KCNK2: variants seen among roughly 807,000 people sequenced by gnomAD.
KCNK2 encodes the protein potassium channel subfamily K member 2.
KCNK2 carries 21 observed loss-of-function variants against 40.5 expected under a neutral mutation model. The observed-to-expected ratio is 0.52, with a 90% CI of 0.37 to 0.75. The LOEUF (loss-of-function observed/expected upper bound fraction) is 0.75. KCNK2 is among the 30% of genes least tolerant of loss of function. KCNK2 has a pLI of 0.00. For missense variants in KCNK2, 399 were observed against 531.6 expected, an observed-to-expected ratio of 0.75 and a Z score of 2.45; for synonymous variants, 191 against 202.2, an observed-to-expected ratio of 0.94 and a Z score of 0.47.
chr1:215,228,927 G>C (rs1350074922), intron 6 of KCNK2, among the ~76,000 whole-genome samples: 1 of 152,054 alleles, frequency 6.6e-6, no homozygotes, highest in African/African-American at 2.4e-5. Flanking sequence ...TGTGTTACTT[G>C]GTGAATAATG....
intron 3 of KCNK2, among the ~76,000 whole-genome samples, chr1:215,126,619 G>A (rs1173140277): frequency 6.6e-6 from 1 of 152,088 alleles, no homozygotes; most frequent in Non-Finnish European, 1.5e-5. Flanking sequence ...CAGACTTACT[G>A]TTGCCCTGTA....
At chr1:215,176,303 G>A (rs904194283) in intron 5 of KCNK2, among the ~76,000 whole-genome samples, 5 of 152,010 alleles carry the variant, frequency 3.3e-5, no homozygotes, top group African/African-American at 9.7e-5. Context: ...CTTTTGATAA[G>A]TGTCTGTTCA....
chr1:215,017,464 C>T (rs191489796), intron 1 of KCNK2, among the ~76,000 whole-genome samples: 16 of 152,080 alleles, frequency 1.1e-4, no homozygotes, highest in Admixed American at 3.3e-4. Context: ...TGAAGGACAT[C>T]GTGTTGTATA....
At chr1:215,232,338 A>G (rs1313924178) in intron 6 of KCNK2, among the ~76,000 whole-genome samples, 1 of 152,208 alleles carries the variant, frequency 6.6e-6, no homozygotes, top group African/African-American at 2.4e-5. Context: ...GCTATGTACA[A>G]AACAATGTGT....
intron 1 of KCNK2, among the ~76,000 whole-genome samples, chr1:215,052,138 A>G (rs1482336024): frequency 2.0e-5 from 3 of 152,166 alleles, no homozygotes; most frequent in Admixed American, 6.5e-5. Flanking sequence ...AACAAGTAAT[A>G]TAATTTCAAA....
intron 5 of KCNK2, among the ~76,000 whole-genome samples, chr1:215,183,569 T>C (rs1664313804): frequency 6.6e-6 from 1 of 152,186 alleles, no homozygotes; most frequent in Admixed American, 6.5e-5. Context: ...GCAATTATAT[T>C]TCCCACTATT....
intron 3 of KCNK2, among the ~76,000 whole-genome samples, chr1:215,145,529 G>A (rs1418517041): frequency 6.6e-6 from 1 of 151,978 alleles, no homozygotes; most frequent in Non-Finnish European, 1.5e-5. Flanking sequence ...GATTACTTAT[G>A]TCCACCAAGA....
chr1:215,189,633 C>T (rs922702530), intron 5 of KCNK2, among the ~76,000 whole-genome samples: 10 of 151,976 alleles, frequency 6.6e-5, no homozygotes, highest in East Asian at 5.8e-4. Context: ...TCTGGTTTTC[C>T]GACTCAATGG....
intron 1 of KCNK2, among the ~76,000 whole-genome samples, chr1:215,072,406 A>C (rs916181952): frequency 1.3e-5 from 2 of 152,252 alleles, no homozygotes; most frequent in African/African-American, 4.8e-5. Flanking sequence ...AGGAGAACTT[A>C]AGACCATGTT....
chr1:215,157,608 T>C (rs1014107324), intron 3 of KCNK2, among the ~76,000 whole-genome samples: 4 of 152,250 alleles, frequency 2.6e-5, no homozygotes, highest in Non-Finnish European at 5.9e-5. Flanking sequence ...TTTTAAGAGT[T>C]AAAACAAAAT....
chr1:215,105,211 C>G (rs1465964240), intron 2 of KCNK2, among the ~76,000 whole-genome samples: 1 of 152,064 alleles, frequency 6.6e-6, no homozygotes, highest in Non-Finnish European at 1.5e-5. Context: ...AACCCTATAC[C>G]CACTGAACAG....
At chr1:215,082,687 G>A (rs1036927581), upstream of KCNK2, among the ~76,000 whole-genome samples, 9 of 151,912 alleles carry the variant, frequency 5.9e-5, no homozygotes, top group African/African-American at 2.2e-4. Flanking sequence ...AGCCCTGGCG[G>A]TGAGACAGGA....
At chr1:215,115,603 A>G (rs1474020446) in intron 2 of KCNK2, among the ~76,000 whole-genome samples, 1 of 152,064 alleles carries the variant, frequency 6.6e-6, no homozygotes, top group Non-Finnish European at 1.5e-5. Context: ...GCCTAGATAA[A>G]TATCTTACTG....
intron 5 of KCNK2, among the ~76,000 whole-genome samples, chr1:215,192,332 G>C (rs1386194077): frequency 1.3e-5 from 2 of 152,086 alleles, no homozygotes; most frequent in Non-Finnish European, 2.9e-5. Context: ...AAAAGGAAAA[G>C]CATTTTTTTC....
intron 1 of KCNK2, among the ~76,000 whole-genome samples, chr1:215,021,349 C>T (rs1656778233): frequency 8.4e-6 from 1 of 118,882 alleles, no homozygotes; most frequent in Admixed American, 8.6e-5. Flanking sequence ...GCTGGGAAAG[C>T]ATTATGTCTG....
At chr1:215,180,685 C>A (rs898188587) in intron 5 of KCNK2, among the ~76,000 whole-genome samples, 2 of 152,128 alleles carry the variant, frequency 1.3e-5, no homozygotes, top group Admixed American at 6.5e-5. Context: ...TGAAAAAAAA[C>A]CCCAGTCTCT....
rs1245050438 is a variant in KCNK2 at position 215,177,529 on chromosome 1, G to A, written c.823+5346G>A. Among the ~76,000 whole-genome samples, 3 of 151,684 alleles carry A rather than the reference G, an allele frequency of 2.0e-5. No individual in the cohort carries two copies. In the East Asian group the frequency reaches 5.8e-4, roughly 29 times the overall value. ...TTTAATCCATCTTGAGTTAATTTTTGTATATGGTGAAAGTTAGGGGTCCAG... is the reference window on the plus strand; with the variant it reads ...TTTAATCCATCTTGAGTTAATTTTTATATATGGTGAAAGTTAGGGGTCCAG... On this transcript the variant is annotated intron_variant, in intron 5 of 6. Coordinates refer to ENST00000444842, the MANE Select transcript of KCNK2 (RefSeq NM_001017425.3).
intron 1 of KCNK2, among the ~76,000 whole-genome samples, chr1:215,009,044 T>C (rs1265638673): frequency 6.6e-6 from 1 of 152,284 alleles, no homozygotes; most frequent in East Asian, 1.9e-4. Context: ...TGTCTAATCA[T>C]CTTAGAAAAG....
intron 2 of KCNK2, among the ~76,000 whole-genome samples, chr1:215,105,811 G>A (rs1660412334): frequency 6.6e-6 from 1 of 151,934 alleles, no homozygotes; most frequent in Non-Finnish European, 1.5e-5. Flanking sequence ...CATACTCAAT[G>A]TTTAGTTCCT....
Sources: gnomAD v4.1 joint callset for allele counts (sites outside exome capture counted in the v4.1 genomes callset) on GRCh38, gnomAD v4.1.1 for gene constraint, MANE v1.5 for transcripts, NCBI Gene and HGNC (gene_info 2026-07-23, HGNC 2026-07-21) for gene names.